The following DEFB114 variants were observed in gnomAD, a reference collection of about 807,000 sequenced individuals.
DEFB114 encodes the protein defensin beta 114.
DEFB114 carries 4 observed loss-of-function variants against 2.4 expected under a neutral mutation model. The ratio of observed to expected loss-of-function variants is 1.67; its 90% CI spans 0.82 to 3.82. The LOEUF (loss-of-function observed/expected upper bound fraction) is 3.82, where lower values mean the gene tolerates loss of function less well. Ranked by LOEUF, DEFB114 falls within the 30% of genes most tolerant of loss-of-function variation. DEFB114 has a pLI of 0.01. For missense variants in DEFB114, 113 were observed against 85.8 expected (o/e 1.32, Z -1.25); for synonymous variants, 35 against 24.6 (o/e 1.42, Z -1.26).
chr6:49,960,563 T>C (rs1231189275), intron 1 of DEFB114, 117 bp from the exon 2 acceptor site: 1 of 1,045,676 alleles, frequency 9.6e-7, no homozygotes, highest in Admixed American at 3.4e-5. Flanking sequence ...CAAAAAAAAA[T>C]AAATCCATGT....
intron 1 of DEFB114, among the ~76,000 whole-genome samples, chr6:49,963,209 A>G (rs968072617): frequency 1.3e-5 from 2 of 150,282 alleles, no homozygotes; most frequent in African/African-American, 4.8e-5. Context: ...AAAGAAAATT[A>G]CTCATTAATA....
At chr6:49,961,978 T>G (rs1033658786) in intron 1 of DEFB114, among the ~76,000 whole-genome samples, 1 of 150,764 alleles carries the variant, frequency 6.6e-6, no homozygotes, top group Admixed American at 6.6e-5. Context: ...TATCATATAG[T>G]GGACTGTTAC....
intron 1 of DEFB114, among the ~76,000 whole-genome samples, chr6:49,963,247 T>C (rs1205499672): frequency 6.7e-6 from 1 of 150,182 alleles, no homozygotes; most frequent in African/African-American, 2.4e-5. Context: ...TTGTTCACAA[T>C]ATTCTCCCAT....
Position 49,964,114 on chromosome 6 carries a change from A to T in DEFB114, c.-9T>A. 1.3e-6 allele frequency: 2 copies of T among 1,578,274 alleles called. No individual in the cohort carries two copies. The highest frequency in any genetic ancestry group is 1.7e-6 in the Non-Finnish European group (2 of 1,159,154). On this transcript the variant is annotated 5_prime_UTR_variant, in exon 1 of 2. Transcript: ENST00000322066. ...TAGTAAAAGATCCTCATTCTGTAGA[A>T]AGAAGTTGTTGAAAGACTTGATAAC...
In DEFB114 at chr6:49,960,366, G is replaced by T. The variant is rs773226971; in HGVS notation, c.136C>A (p.Gln46Lys). The T allele has an allele frequency of 1.9e-5, 30 of 1,608,076 alleles. No individual in the cohort carries two copies. Among genetic ancestry groups the T allele is most frequent in the Non-Finnish European group, 2.3e-5 (27 of 1,176,548 alleles). ...CTTGGTAAGGAACATATGTCTATTT[G>T]CTTTTCACTCTCAAGACAGTCTCTT... ...CKRDCLESEK[Q>K]IDICSLPRKI... The change falls in exon 2 of 2, where the codon CAA becomes AAA. Residue 46 changes from glutamine to lysine, a missense_variant. Gln to Lys is a moderately conservative substitution (Grantham distance 53, BLOSUM62 1). Transcript: ENST00000322066.
At chr6:49,960,901 A>C (rs1773448211) in intron 1 of DEFB114, among the ~76,000 whole-genome samples, 2 of 150,862 alleles carry the variant, frequency 1.3e-5, no homozygotes, top group South Asian at 4.1e-4. Context: ...GAGTTTTGGT[A>C]CTGCCACAAA....
At chr6:49,963,541 T>C (rs895275922) in intron 1 of DEFB114, among the ~76,000 whole-genome samples, 1 of 149,944 alleles carries the variant, frequency 6.7e-6, no homozygotes, top group African/African-American at 2.4e-5. Context: ...GATATATGGA[T>C]ATAACTATAT....
In DEFB114 at chr6:49,964,046, C is replaced by T. The variant is rs1373324918; in HGVS notation, c.55+5G>A. ...ACACAAATATAACAGAGACATCTAT[C>T]TTACCTGGTAGAATGAAGGTCACAT... On this transcript the variant is annotated splice_donor_5th_base_variant and intron_variant, in intron 1 of 1. Transcript: ENST00000322066. The T allele has an allele frequency of 6.4e-7, 1 of 1,570,738 alleles. No individual in the cohort carries two copies. Among genetic ancestry groups the T allele is most frequent in the South Asian group, 1.2e-5 (1 of 86,136 alleles).
chr6:49,960,346 T>C lies in DEFB114; in HGVS notation c.156A>G (p.Leu52=), dbSNP rs754737089. 22 of 1,607,312 alleles carry C rather than the reference T, an allele frequency of 1.4e-5. No homozygotes were observed. In the East Asian group the frequency reaches 4.7e-4, roughly 34 times the overall value. Reference sequence around the variant, plus strand: ...TCTCAGTGCAGCAAATTTTTCTTGGTAAGGAACATATGTCTATTTGCTTTT... The same window carrying C: ...TCTCAGTGCAGCAAATTTTTCTTGGCAAGGAACATATGTCTATTTGCTTTT... ...ESEKQIDICS[L]PRKICCTEKL... Residue 52 remains leucine, a synonymous_variant, in exon 2 of 2, where the codon TTA becomes TTG. Coordinates refer to ENST00000322066, the MANE Select transcript of DEFB114 (RefSeq NM_001037499.2).
intron 1 of DEFB114, among the ~76,000 whole-genome samples, chr6:49,961,111 G>A (rs866215103): frequency 6.7e-6 from 1 of 150,290 alleles, no homozygotes; most frequent in Non-Finnish European, 1.5e-5. Flanking sequence ...TCACCAATTG[G>A]TCTTCCTTAG....
rs1318928483 is a variant in DEFB114, at chr6:49,960,442, T to C, written c.60A>G (p.Thr20=). The C allele has an allele frequency of 1.3e-6, 2 of 1,589,866 alleles. No homozygotes were observed. The highest frequency in any genetic ancestry group is 1.7e-6 in the Non-Finnish European group (2 of 1,170,622). Residue 20 remains threonine, a synonymous_variant, in exon 2 of 2, where the codon ACA becomes ACG. Coordinates refer to ENST00000322066, the MANE Select transcript of DEFB114 (RefSeq NM_001037499.2). ...LCYVTFILPA[T]CTLVNADRCT... The stretch of plus-strand genomic sequence containing the variant: ...AACGATCAGCATTCACCAAGGTACA[T>C]GTGGCTACGGTAAAAGAAGAGTAAC...
At chr6:49,960,999 T>C (rs1561976912) in intron 1 of DEFB114, among the ~76,000 whole-genome samples, 2 of 150,836 alleles carry the variant, frequency 1.3e-5, no homozygotes, top group African/African-American at 2.4e-5. Context: ...TAAAATTTTT[T>C]ACATGCTTTG....
intron 1 of DEFB114, among the ~76,000 whole-genome samples, chr6:49,963,345 C>A (rs2113913081): frequency 6.7e-6 from 1 of 150,066 alleles, no homozygotes; most frequent in African/African-American, 2.4e-5. Context: ...TTTGTCAAAG[C>A]TTTATTAATT....
intron 1 of DEFB114, among the ~76,000 whole-genome samples, chr6:49,963,453 C>A (rs1057041684): frequency 2.0e-5 from 3 of 149,716 alleles, no homozygotes; most frequent in African/African-American, 7.3e-5. Flanking sequence ...ATGTTTGTAA[C>A]TGTCATTTTA....
rs577162073 is a variant in DEFB114, at chr6:49,960,419, C to A, written c.83G>T (p.Arg28Leu). The A allele has an allele frequency of 5.2e-5, 83 of 1,603,912 alleles. No individual in the cohort carries two copies. Among genetic ancestry groups the A allele is most frequent in the Non-Finnish European group, 6.9e-5 (81 of 1,174,668 alleles). The change falls in exon 2 of 2, where the codon CGT (arginine) becomes CTT (leucine). Residue 28 changes from arginine (R) to leucine (L), a missense_variant. Coordinates refer to ENST00000322066, the MANE Select transcript of DEFB114 (RefSeq NM_001037499.2). ...ACAACGACCGTAACGTTTGGTGCAA[C>A]GATCAGCATTCACCAAGGTACATGT... ...PATCTLVNAD[R>L]CTKRYGRCKR... is the part of the protein sequence containing the mutation.
At chr6:49,962,833 G>T (rs533355569) in intron 1 of DEFB114, among the ~76,000 whole-genome samples, 1 of 150,012 alleles carries the variant, frequency 6.7e-6, no homozygotes, top group East Asian at 1.9e-4. Flanking sequence ...TATTTATTAC[G>T]TTGTTCTGTA....
chr6:49,961,221 T>A (rs1773455107), intron 1 of DEFB114, among the ~76,000 whole-genome samples: 1 of 150,770 alleles, frequency 6.6e-6, no homozygotes. Context: ...AATTTTGTAT[T>A]TTTATATGCA....
intron 1 of DEFB114, among the ~76,000 whole-genome samples, chr6:49,962,470 G>A (rs1773478733): frequency 6.7e-6 from 1 of 150,240 alleles, no homozygotes; most frequent in South Asian, 2.1e-4. Context: ...TTTTATGTAT[G>A]TTCTTTATAT....
rs201002944 is a variant in DEFB114, at chr6:49,964,016, G to A, written c.55+35C>T. 103 of 1,468,160 alleles carry A rather than the reference G, an allele frequency of 7.0e-5. No individual in the cohort carries two copies. The South Asian group carries it at 1.2e-3, about 17-fold the overall frequency. The allele number at this position is 1,468,160 out of a possible 1,614,324, so 90.9% of individuals were successfully genotyped here. A position where few individuals can be genotyped will look rare whatever the true frequency, so the allele number is the denominator to read the frequency against. On this transcript the variant is annotated intron_variant, in intron 1 of 1. Transcript: ENST00000322066. ...TTATTATTTCTATTTCTAGTGAGAA[G>A]TTTTACACAAATATAACAGAGACAT...
Sources: allele counts gnomAD v4.1 joint callset (sites outside exome capture counted in the v4.1 genomes callset), GRCh38; gene constraint gnomAD v4.1.1; transcripts MANE v1.5; gene names NCBI Gene and HGNC (gene_info 2026-07-23, HGNC 2026-07-21).